The following RAPGEF2 variants were observed in gnomAD, a reference collection of about 807,000 sequenced individuals.
The protein encoded by RAPGEF2 is Rap guanine nucleotide exchange factor 2, also known as PDZ domain containing guanine nucleotide exchange factor (GEF) 1.
Under a neutral mutation model 186.7 loss-of-function variants are expected in RAPGEF2, and 54 were observed. The observed-to-expected ratio is 0.29, with a 90% confidence interval of 0.23 to 0.36. RAPGEF2 has a LOEUF of 0.36. RAPGEF2 is among the 10% of genes least tolerant of loss of function. The probability of loss-of-function intolerance (pLI) is 1.00; values close to 1 mark genes in which losing one functional copy is unlikely to be tolerated. For synonymous variants in RAPGEF2, 712 were observed against 705.9 expected (o/e 1.01, Z -0.14); for missense variants, 1,532 against 2,045.0 (o/e 0.75, Z 4.84).
At chr4:159,131,543 T>TTTTTTTTTTTTTTTTG (rs1741104783) in intron 1 of RAPGEF2, among the ~76,000 whole-genome samples, 1 of 150,038 alleles carries the variant, frequency 6.7e-6, no homozygotes, top group African/African-American at 2.5e-5. Context: ...TTTTTTTTTT[T>TTTTTTTTTTTTTTTTG]TTTAGCTTTT....
intron 7 of RAPGEF2, among the ~76,000 whole-genome samples, chr4:159,244,696 A>G (rs1754408359): frequency 6.6e-6 from 1 of 151,968 alleles, no homozygotes; most frequent in South Asian, 2.1e-4. Context: ...TCTATCATTG[A>G]TATATCTTTG....
chr4:159,192,865 C>G (rs1176487738), intron 2 of RAPGEF2, among the ~76,000 whole-genome samples: 10 of 152,076 alleles, frequency 6.6e-5, no homozygotes, highest in Non-Finnish European at 1.5e-4. Flanking sequence ...CTTTTAGGTT[C>G]CTTCTCAGTT....
chr4:159,342,097 T>C, intron 20 of RAPGEF2, 150 bp downstream of exon 20: 1 of 809,806 alleles, frequency 1.2e-6, no homozygotes, highest in Non-Finnish European at 1.8e-6. Flanking sequence ...CTAACCTTAA[T>C]CCTTAATTTA....
At chr4:159,348,709 T>G (rs1379877130) in intron 25 of RAPGEF2, among the ~76,000 whole-genome samples, 1 of 152,244 alleles carries the variant, frequency 6.6e-6, no homozygotes, top group African/African-American at 2.4e-5. Context: ...ATATTTAATA[T>G]AATGTAGATG....
At chr4:159,113,495 C>G (rs1738720754) in intron 1 of RAPGEF2, among the ~76,000 whole-genome samples, 1 of 152,116 alleles carries the variant, frequency 6.6e-6, no homozygotes, top group Non-Finnish European at 1.5e-5. Flanking sequence ...AATCCCTGCA[C>G]TTTGGAAGAC....
chr4:159,195,882 T>G (rs995092281), intron 3 of RAPGEF2, among the ~76,000 whole-genome samples: 8 of 66,568 alleles, frequency 1.2e-4, no homozygotes, highest in African/African-American at 3.8e-4. Flanking sequence ...CCTGTTTTTT[T>G]TTTTTTTTTT....
At position 159,322,788 on chromosome 4, in the gene RAPGEF2, G is replaced by A. The variant is rs190170093; in HGVS notation, c.990+305G>A. ...ACTTCTTACATGGCAGTGGCAAGAG[G>A]AAAAATGAGGAAGATACAAAAGCAG... On this transcript the variant is annotated intron_variant, in intron 10 of 29. Coordinates refer to ENST00000691494, the MANE Select transcript of RAPGEF2 (RefSeq NM_001394067.2). 2.0e-3 allele frequency among the ~76,000 whole-genome samples: 299 copies of A among 152,210 alleles called. 1 individual carries two copies. Among genetic ancestry groups the A allele is most frequent in the African/African-American group, 6.9e-3 (286 of 41,542 alleles).
At chr4:159,107,716 C>T (rs1399719641) in intron 1 of RAPGEF2, among the ~76,000 whole-genome samples, 2 of 152,042 alleles carry the variant, frequency 1.3e-5, no homozygotes, top group African/African-American at 4.8e-5. Context: ...TAGAATTCAT[C>T]GTGAGTCATA....
At chr4:159,279,871 A>G (rs1418316078) in intron 7 of RAPGEF2, among the ~76,000 whole-genome samples, 1 of 151,870 alleles carries the variant, frequency 6.6e-6, no homozygotes, top group Non-Finnish European at 1.5e-5. Context: ...TTTGGTAGAG[A>G]TGGGGTTTCA....
At chr4:159,264,919 T>C (rs867507452) in intron 7 of RAPGEF2, among the ~76,000 whole-genome samples, 27 of 152,352 alleles carry the variant, frequency 1.8e-4, no homozygotes, top group African/African-American at 6.0e-4. Flanking sequence ...TGGTGTAGCA[T>C]GTAATAGAAA....
rs868827564 is a variant in RAPGEF2 at position 159,338,182 on chromosome 4, T to A, written c.2136-129T>A. ...TGCTTTTGCAGTTTTCAACCAAATT[T>A]ATTAATGGTGTTTTTACATGAGCTG... On this transcript the variant is annotated intron_variant, in intron 17 of 29. Transcript: ENST00000691494. 1.1e-4 allele frequency: 80 copies of A among 736,598 alleles called. No homozygotes were observed. The Middle Eastern group carries it at 1.4e-3, about 13-fold the overall frequency. The allele number at this position is 736,598 out of a possible 1,614,324, so 45.6% of individuals were successfully genotyped here. A position where few individuals can be genotyped will look rare whatever the true frequency, so the allele number is the denominator to read the frequency against.
At position 159,346,949 on chromosome 4, in the gene RAPGEF2, C is replaced by T; in HGVS notation, c.3663C>T (p.Ser1221=). 1 of 1,614,188 alleles carries T rather than the reference C, an allele frequency of 6.2e-7. No homozygotes were observed. Among genetic ancestry groups the T allele is most frequent in the Non-Finnish European group, 8.5e-7 (1 of 1,180,032 alleles). Residue 1221 remains serine (S), a synonymous_variant, in exon 25 of 30, where the codon TCC becomes TCT. Transcript: ENST00000691494. The part of the protein sequence containing the change: ...INQGLQVPAV[S]LYPSRKKVPV... ...AGGGACTACAGGTTCCCGCCGTGTC[C>T]CTTTATCCTTCACGGAAGAAAGTGC...
At position 159,232,355 on chromosome 4, in the gene RAPGEF2, T is replaced by TA. The variant is rs376426312; in HGVS notation, c.282-6453dup. On this transcript the variant is annotated intron_variant, in intron 4 of 29. Transcript: ENST00000691494. ...TCTCTATGAATTTGCCTATTCTAGA[T>TA]ATTTCATGTAAGTGGAATCATATGA... Among the ~76,000 whole-genome samples, 562 of 152,374 alleles carry TA rather than the reference T, an allele frequency of 3.7e-3. 4 individuals carry two copies. Among genetic ancestry groups the TA allele is most frequent in the African/African-American group, 0.013 (538 of 41,588 alleles).
chr4:159,215,245 T>C (rs1331206742), intron 4 of RAPGEF2, among the ~76,000 whole-genome samples: 1 of 152,156 alleles, frequency 6.6e-6, no homozygotes, highest in African/African-American at 2.4e-5. Flanking sequence ...CAATCTTAGC[T>C]CACTGTGGCC....
chr4:159,351,272 G>T, intron 26 of RAPGEF2: 1 of 1,342,288 alleles, frequency 7.4e-7, no homozygotes, highest in Non-Finnish European at 9.9e-7. Flanking sequence ...AATGTCAAGT[G>T]CTCCATCTGA....
chr4:159,140,946 C>T (rs999662575), intron 1 of RAPGEF2, among the ~76,000 whole-genome samples: 2 of 151,930 alleles, frequency 1.3e-5, no homozygotes, highest in East Asian at 1.9e-4. Flanking sequence ...ATTCTCCTGC[C>T]TCGGCCTTCT....
intron 7 of RAPGEF2, among the ~76,000 whole-genome samples, chr4:159,250,240 GCA>G (rs1227474100): frequency 1.3e-5 from 2 of 152,094 alleles, no homozygotes; most frequent in Non-Finnish European, 2.9e-5. Flanking sequence ...GGAGATGGGT[GCA>G]CCAGGATCTC....
chr4:159,168,652 A>G (rs114271328), intron 1 of RAPGEF2, among the ~76,000 whole-genome samples: 2,649 of 152,286 alleles, frequency 0.017, 35 homozygotes, highest in Non-Finnish European at 0.028. Context: ...AAAAGGGTAT[A>G]CTTTGAAAAC....
chr4:159,167,073 A>G (rs944176256), intron 1 of RAPGEF2, among the ~76,000 whole-genome samples: 3 of 152,196 alleles, frequency 2.0e-5, no homozygotes, highest in African/African-American at 7.2e-5. Flanking sequence ...TGGCATAGAA[A>G]ATAGAAATCA....
Sources: gnomAD v4.1 joint callset for allele counts (sites outside exome capture counted in the v4.1 genomes callset) on GRCh38, gnomAD v4.1.1 for gene constraint, MANE v1.5 for transcripts, NCBI Gene and HGNC (gene_info 2026-07-23, HGNC 2026-07-21) for gene names.